The following CADPS variants were observed in gnomAD, a reference collection of about 807,000 sequenced individuals.
The protein encoded by CADPS is calcium dependent secretion activator, also known as calcium-dependent secretion activator 1.
A neutral mutation model predicts 167.3 loss-of-function variants in CADPS; 57 were observed. The ratio of observed to expected loss-of-function variants is 0.34; its 90% CI spans 0.28 to 0.42. The LOEUF is 0.42. CADPS is among the 20% of genes least tolerant of loss of function. The probability of loss-of-function intolerance (pLI) is 1.00; values close to 1 mark genes in which losing one functional copy is unlikely to be tolerated. For synonymous variants in CADPS, 676 were observed against 635.3 expected (o/e 1.06, Z -0.96); for missense variants, 1,414 against 1,738.1 (o/e 0.81, Z 3.32).
chr3:62,540,165 C>A (rs540585256), intron 11 of CADPS, among the ~76,000 whole-genome samples: 1 of 152,106 alleles, frequency 6.6e-6, no homozygotes, highest in Non-Finnish European at 1.5e-5. Context: ...AGCTAATGTT[C>A]TATTCCTTCT....
chr3:62,504,262 G>A (rs943932697), intron 17 of CADPS, among the ~76,000 whole-genome samples: 1 of 152,110 alleles, frequency 6.6e-6, no homozygotes, highest in African/African-American at 2.4e-5. Flanking sequence ...TTAAAAGGAG[G>A]CAACTACTAA....
Position 62,549,936 on chromosome 3 carries a change from C to T in CADPS, c.1933G>A (p.Val645Ile). ...VQKLNAKGGNVPQLDAPISQF... is the reference protein window; with the variant it reads ...VQKLNAKGGNIPQLDAPISQF... ...GAGATAGGGGCATCCAGCTGAGGTA[C>T]ATTTCCTCCCTTGGCGTTGAGTTTC... is the stretch of plus-strand genomic sequence containing the variant. Residue 645 changes from valine (V) to isoleucine (I), a missense_variant, in exon 11 of 30, where the codon GTA becomes ATA. Coordinates refer to ENST00000383710, the MANE Select transcript of CADPS (RefSeq NM_003716.4). 2.5e-6 allele frequency: 4 copies of T among 1,614,094 alleles called. No individual in the cohort carries two copies. Among genetic ancestry groups the T allele is most frequent in the Non-Finnish European group, 3.4e-6 (4 of 1,179,950 alleles).
chr3:62,402,398 C>A (rs1365897852), intron 29 of CADPS, among the ~76,000 whole-genome samples: 1 of 152,092 alleles, frequency 6.6e-6, no homozygotes, highest in Admixed American at 6.5e-5. Context: ...TATGGTGAAG[C>A]ATCAAATAGA....
At chr3:62,488,469 A>ATTATTTATTTAT (rs760932725) in intron 21 of CADPS, among the ~76,000 whole-genome samples, 211 of 150,500 alleles carry the variant, frequency 1.4e-3, no homozygotes, top group African/African-American at 4.6e-3. Flanking sequence ...CACTGTTTTT[A>ATTATTTATTTAT]TTATTTATTT....
intron 17 of CADPS, among the ~76,000 whole-genome samples, chr3:62,506,658 T>C (rs2066743594): frequency 1.3e-5 from 2 of 152,138 alleles, no homozygotes; most frequent in African/African-American, 4.8e-5. Context: ...CTACTCCATG[T>C]TATTTTGGTG....
At chr3:62,757,098 G>A (rs568104370) in intron 2 of CADPS, among the ~76,000 whole-genome samples, 9 of 152,268 alleles carry the variant, frequency 5.9e-5, no homozygotes, top group East Asian at 5.8e-4. Flanking sequence ...GTACGAGACC[G>A]GGTGAGTGTG....
intron 1 of CADPS, among the ~76,000 whole-genome samples, chr3:62,823,319 A>G (rs540843296): frequency 2.7e-4 from 41 of 152,168 alleles, no homozygotes; most frequent in Admixed American, 6.6e-4. Context: ...CTGCTGGAAA[A>G]ATATATTTTT....
At chr3:62,866,173 C>T (rs1287538573) in intron 1 of CADPS, among the ~76,000 whole-genome samples, 1 of 152,054 alleles carries the variant, frequency 6.6e-6, no homozygotes, top group African/African-American at 2.4e-5. Context: ...AAATTTGTCA[C>T]TTTTTGGTAT....
chr3:62,806,974 G>A (rs568893413), intron 1 of CADPS, among the ~76,000 whole-genome samples: 15 of 102,042 alleles, frequency 1.5e-4, no homozygotes, highest in South Asian at 1.0e-3. Context: ...AAAAGAGATC[G>A]CTTTTTAAAA....
chr3:62,625,241 G>C (rs1414110149), intron 6 of CADPS: 1 of 149,492 alleles, frequency 6.7e-6, no homozygotes, highest in African/African-American at 2.5e-5. Flanking sequence ...CACACCAAGA[G>C]AAAACATGGT....
chr3:62,703,882 A>G (rs908460081), intron 3 of CADPS, among the ~76,000 whole-genome samples: 16 of 152,272 alleles, frequency 1.1e-4, no homozygotes, highest in Middle Eastern at 6.8e-3. Context: ...ACTTATCTTC[A>G]TAGCAAAGCA....
At chr3:62,451,019 AT>A (rs1283289509) in intron 26 of CADPS, among the ~76,000 whole-genome samples, 2 of 152,074 alleles carry the variant, frequency 1.3e-5, no homozygotes, top group Non-Finnish European at 2.9e-5. Context: ...ACTTTTATTA[AT>A]TAGCTATATT....
At chr3:62,431,460 T>A (rs182966884) in intron 28 of CADPS, among the ~76,000 whole-genome samples, 54 of 151,976 alleles carry the variant, frequency 3.6e-4, no homozygotes, top group Admixed American at 3.1e-3. Context: ...ACAGCTTAAA[T>A]AAAAAACCCC....
chr3:62,482,491 A>G (rs2062157365), intron 21 of CADPS, among the ~76,000 whole-genome samples: 1 of 152,168 alleles, frequency 6.6e-6, no homozygotes, highest in Non-Finnish European at 1.5e-5. Context: ...TATCAAGAAG[A>G]AAGATCAGAT....
chr3:62,843,082 A>G (rs1435133220), intron 1 of CADPS, among the ~76,000 whole-genome samples: 2 of 152,046 alleles, frequency 1.3e-5, no homozygotes, highest in Non-Finnish European at 2.9e-5. Flanking sequence ...TTTTTCATGT[A>G]TGTTTCACTG....
intron 6 of CADPS, among the ~76,000 whole-genome samples, chr3:62,644,136 G>A (rs1054164084): frequency 3.9e-5 from 6 of 152,142 alleles, no homozygotes; most frequent in Non-Finnish European, 5.9e-5. Context: ...GAAACATTCC[G>A]TGCTTTCTTT....
At chr3:62,627,887 T>C (rs986422617) in intron 6 of CADPS, among the ~76,000 whole-genome samples, 11 of 152,178 alleles carry the variant, frequency 7.2e-5, no homozygotes, top group Non-Finnish European at 1.5e-4. Context: ...GTCTCAAGTA[T>C]ATTCAACCTC....
At chr3:62,644,259 C>T (rs991400205) in intron 6 of CADPS, among the ~76,000 whole-genome samples, 4 of 152,122 alleles carry the variant, frequency 2.6e-5, no homozygotes, top group Admixed American at 1.3e-4. Context: ...CTTTTGATGA[C>T]TCTCTTATGA....
intron 1 of CADPS, among the ~76,000 whole-genome samples, chr3:62,864,861 G>A (rs1457384983): frequency 2.6e-5 from 4 of 152,096 alleles, no homozygotes; most frequent in Admixed American, 6.6e-5. Context: ...CTTAGTCTAC[G>A]TCAGTGTATC....
Sources: allele counts gnomAD v4.1 joint callset (sites outside exome capture counted in the v4.1 genomes callset), GRCh38; gene constraint gnomAD v4.1.1; transcripts MANE v1.5; gene names NCBI Gene and HGNC (gene_info 2026-07-23, HGNC 2026-07-21).